The following ANKRD28 variants were observed in gnomAD, a reference collection of about 807,000 sequenced individuals.
ANKRD28 encodes ankyrin repeat domain 28.
In ANKRD28, 44 loss-of-function variants were observed where a neutral mutation model predicts 126.5. The ratio of observed to expected loss-of-function variants is 0.35; its 90% CI spans 0.27 to 0.45. ANKRD28 has a LOEUF of 0.45. Ranked by LOEUF, ANKRD28 falls within the 20% of genes least tolerant of loss-of-function variation. The probability of loss-of-function intolerance (pLI) is 1.00; values close to 1 mark genes in which losing one functional copy is unlikely to be tolerated. For missense variants in ANKRD28, 1,110 were observed against 1,316.6 expected, an observed-to-expected ratio of 0.84 and a Z score of 2.43; for synonymous variants, 442 against 468.5, an observed-to-expected ratio of 0.94 and a Z score of 0.73.
At chr3:15,672,402 A>C (rs1373024869) in intron 27 of ANKRD28, among the ~76,000 whole-genome samples, 1 of 152,152 alleles carries the variant, frequency 6.6e-6, no homozygotes, top group Admixed American at 6.5e-5. Flanking sequence ...TCTGCCTCCC[A>C]AAGTGCTGGG....
At chr3:15,778,407 T>C (rs2059393749) in intron 2 of ANKRD28, among the ~76,000 whole-genome samples, 1 of 152,316 alleles carries the variant, frequency 6.6e-6, no homozygotes, top group Admixed American at 6.5e-5. Flanking sequence ...TGTTCTCACC[T>C]AGAGACCTGA....
intron 8 of ANKRD28, among the ~76,000 whole-genome samples, chr3:15,715,415 G>A (rs1409569021): frequency 6.6e-6 from 1 of 152,288 alleles, no homozygotes; most frequent in African/African-American, 2.4e-5. Context: ...GTACAACGCA[G>A]ATATTCTTTA....
At chr3:15,856,981 A>G (rs149748083) in intron 1 of ANKRD28, among the ~76,000 whole-genome samples, 120 of 152,362 alleles carry the variant, frequency 7.9e-4, no homozygotes, top group African/African-American at 2.8e-3. Flanking sequence ...CAGCTTTAGA[A>G]GTCTGTATGT....
chr3:15,772,888 G>C (rs746371759), intron 2 of ANKRD28, among the ~76,000 whole-genome samples: 1 of 151,966 alleles, frequency 6.6e-6, no homozygotes, highest in Non-Finnish European at 1.5e-5. Context: ...AAACTTAGAG[G>C]GGAACTTTCT....
In ANKRD28 at chr3:15,696,687, AC is replaced by A. The variant is rs577538111; in HGVS notation, c.1548-443del. 2.8e-3 allele frequency among the ~76,000 whole-genome samples: 431 copies of A among 152,296 alleles called. 2 individuals are homozygous for A. Among genetic ancestry groups the A allele is most frequent in the Middle Eastern group, 0.01 (3 of 294 alleles). Reference sequence around the variant, plus strand: ...AGCTCAAGAAAGGATGTTAAACAAAACAAAACCTCAAGAAACCAAGGTCAGA... The same window carrying A: ...AGCTCAAGAAAGGATGTTAAACAAAAAAAACCTCAAGAAACCAAGGTCAGA... On this transcript the variant is annotated intron_variant, in intron 14 of 27. Coordinates refer to ENST00000683139, the MANE Select transcript of ANKRD28 (RefSeq NM_001349278.2).
chr3:15,679,467 T>G lies in ANKRD28; in HGVS notation c.2477+9A>C, dbSNP rs17041446. ...CAAACCAAATCTGATTCATTCTGGC[T>G]TTACTTACACGGCACAATGCAATGG... is the stretch of plus-strand genomic sequence containing the variant. On this transcript the variant is annotated intron_variant, in intron 22 of 27. Transcript: ENST00000683139. The G allele has an allele frequency of 4.6e-3, 7,415 of 1,613,854 alleles. 303 individuals are homozygous for G. The African/African-American group carries it at 0.083, about 18-fold the overall frequency.
At chr3:15,771,742 T>C (rs2059022412) in intron 2 of ANKRD28, among the ~76,000 whole-genome samples, 2 of 152,170 alleles carry the variant, frequency 1.3e-5, no homozygotes, top group African/African-American at 4.8e-5. Context: ...ATCCAAACGA[T>C]ATCATTTATT....
At chr3:15,725,999 T>C (rs1431296916) in intron 6 of ANKRD28, among the ~76,000 whole-genome samples, 1 of 152,158 alleles carries the variant, frequency 6.6e-6, no homozygotes, top group Non-Finnish European at 1.5e-5. Flanking sequence ...GCCAAAATCA[T>C]GTCACTGCAC....
chr3:15,842,659 T>C (rs149525676), intron 1 of ANKRD28, among the ~76,000 whole-genome samples: 2 of 152,334 alleles, frequency 1.3e-5, no homozygotes, highest in East Asian at 1.9e-4. Context: ...GGTTAGTATA[T>C]GCACTGCATG....
rs1318611175 is a variant in ANKRD28, at chr3:15,667,338, ATTGT to A, written c.*2928_*2931del. 10 of 152,248 alleles carry A rather than the reference ATTGT, an allele frequency of 6.6e-5. No individual in the cohort carries two copies. The highest frequency in any genetic ancestry group is 2.4e-4 in the African/African-American group (10 of 41,468). The allele number at this position is 152,248 out of a possible 1,614,324, so 9.4% of individuals were successfully genotyped here. ...TTAGAGATCTCCTGAACTAAATGGCATTGTTTGAGATGAGTGTCTTGTTAAAGGA... is the reference window on the plus strand; with the variant it reads ...TTAGAGATCTCCTGAACTAAATGGCATTGAGATGAGTGTCTTGTTAAAGGA... On this transcript the variant is annotated 3_prime_UTR_variant, in exon 28 of 28. Transcript: ENST00000683139.
intron 2 of ANKRD28, among the ~76,000 whole-genome samples, chr3:15,773,635 T>A (rs542352829): frequency 1.3e-5 from 2 of 151,972 alleles, no homozygotes; most frequent in East Asian, 3.9e-4. Flanking sequence ...AAAAAAAAAT[T>A]TCAAGATTTG....
chr3:15,806,420 A>G (rs1002155744), intron 1 of ANKRD28, among the ~76,000 whole-genome samples: 1 of 152,232 alleles, frequency 6.6e-6, no homozygotes, highest in Non-Finnish European at 1.5e-5. Context: ...GACTACTTAT[A>G]AAACTTTCAA....
chr3:15,811,933 C>T lies in ANKRD28; in HGVS notation c.28-16627G>A, dbSNP rs368358625. Among the ~76,000 whole-genome samples the T allele has an allele frequency of 1.2e-4, 18 of 151,104 alleles. No homozygotes were observed. In the East Asian group the frequency reaches 1.8e-3, roughly 15 times the overall value. On this transcript the variant is annotated intron_variant, in intron 1 of 27. Coordinates refer to the ANKRD28 transcript ENST00000399451. ...CTTTGGGAGGTCAAGGTGGGTGGATCACTTCAGTTAGGAGTTCAAGACCAG... is the reference window on the plus strand; with the variant it reads ...CTTTGGGAGGTCAAGGTGGGTGGATTACTTCAGTTAGGAGTTCAAGACCAG...
At chr3:15,719,896 G>C (rs1467536217) in intron 8 of ANKRD28, among the ~76,000 whole-genome samples, 2 of 151,598 alleles carry the variant, frequency 1.3e-5, no homozygotes, top group Non-Finnish European at 2.9e-5. Flanking sequence ...TTTGAGACAG[G>C]GTCTCACTCT....
rs192095771 is a variant in ANKRD28, at chr3:15,854,304, C to A, written c.27+5073G>T. Among the ~76,000 whole-genome samples, 3 of 152,344 alleles carry A rather than the reference C, an allele frequency of 2.0e-5. No homozygotes were observed. In the East Asian group the frequency reaches 5.8e-4, roughly 29 times the overall value. ...CTACACACTCCAATCAAGACTATCT[C>A]CTGATTATCCCATCCATCCTTCCTG... On this transcript the variant is annotated intron_variant, in intron 1 of 27. Coordinates refer to the ANKRD28 transcript ENST00000399451. The surrounding 1 kb of genome is among the most constrained non-coding windows in gnomAD (Gnocchi z 4.1).
chr3:15,809,340 T>C (rs962090970), intron 1 of ANKRD28, among the ~76,000 whole-genome samples: 2 of 152,214 alleles, frequency 1.3e-5, no homozygotes, highest in Non-Finnish European at 1.5e-5. Flanking sequence ...CTATACATCC[T>C]TGTAACAGAC....
chr3:15,827,917 TGAATA>T (rs1178781758), intron 1 of ANKRD28, among the ~76,000 whole-genome samples: 1 of 152,144 alleles, frequency 6.6e-6, no homozygotes, highest in Non-Finnish European at 1.5e-5. Flanking sequence ...ACAAGGGACT[TGAATA>T]GACATTTATC....
intron 3 of ANKRD28, among the ~76,000 whole-genome samples, chr3:15,756,222 A>G (rs192272480): frequency 6.6e-6 from 1 of 152,316 alleles, no homozygotes; most frequent in Admixed American, 6.5e-5. Context: ...TACATGCAAT[A>G]AATAACACAA....
rs1317951937 is a variant in ANKRD28 at position 15,721,193 on chromosome 3, T to G, written c.784-66A>C. ...GCTAATTATCAATGTTGTGAGCTAT[T>G]TTAGCAACCTGTGGTTGCAATCAAA... On this transcript the variant is annotated intron_variant, in intron 7 of 27. Coordinates refer to ENST00000683139, the MANE Select transcript of ANKRD28 (RefSeq NM_001349278.2). The G allele has an allele frequency of 4.4e-6, 6 of 1,372,964 alleles. No individual in the cohort carries two copies. The African/African-American group carries it at 8.7e-5, about 20-fold the overall frequency. The allele number at this position is 1,372,964 out of a possible 1,614,324, so 85.0% of individuals were successfully genotyped here.
Sources: allele counts gnomAD v4.1 joint callset (sites outside exome capture counted in the v4.1 genomes callset), GRCh38; gene constraint gnomAD v4.1.1; non-coding constraint Gnocchi (gnomAD v3.1); transcripts MANE v1.5; gene names NCBI Gene and HGNC (gene_info 2026-07-23, HGNC 2026-07-21).